Variants in THEMIS observed in about 807,000 individuals in gnomAD.
The protein encoded by THEMIS is protein THEMIS.
THEMIS carries 37 observed loss-of-function variants against 52.6 expected under a neutral mutation model. That is an observed-to-expected ratio of 0.70 (90% CI 0.54 to 0.93). THEMIS has a LOEUF of 0.93. Among genes scored for constraint, THEMIS ranks in the 40% least tolerant of loss-of-function variants. The pLI, the probability that THEMIS is intolerant of heterozygous loss-of-function variation, is 0.00. For synonymous variants in THEMIS, 292 were observed against 272.7 expected, an observed-to-expected ratio of 1.07 and a Z score of -0.70; for missense variants, 808 against 763.1, an observed-to-expected ratio of 1.06 and a Z score of -0.69.
intron 1 of THEMIS, among the ~76,000 whole-genome samples, chr6:127,859,470 C>T (rs529225927): frequency 1.3e-4 from 19 of 151,812 alleles, no homozygotes; most frequent in Middle Eastern, 3.4e-3. Context: ...TGTATACCTC[C>T]CCCACAGCTA....
At chr6:127,842,941 A>G (rs1562294096) in intron 2 of THEMIS, among the ~76,000 whole-genome samples, 1 of 151,978 alleles carries the variant, frequency 6.6e-6, no homozygotes, top group Non-Finnish European at 1.5e-5. Flanking sequence ...GATGTAATTC[A>G]TGGAAGGGTG....
intron 4 of THEMIS, among the ~76,000 whole-genome samples, chr6:127,774,621 T>C (rs1776497638): frequency 6.6e-6 from 1 of 152,190 alleles, no homozygotes; most frequent in Non-Finnish European, 1.5e-5. Flanking sequence ...TGGTAGAACT[T>C]AGCGACTAGG....
intron 4 of THEMIS, among the ~76,000 whole-genome samples, chr6:127,732,293 G>A (rs1774840576): frequency 6.6e-6 from 1 of 151,920 alleles, no homozygotes; most frequent in South Asian, 2.1e-4. Context: ...ATTTTGATGG[G>A]TATGGTTCAT....
intron 4 of THEMIS, among the ~76,000 whole-genome samples, chr6:127,747,465 C>A: frequency 6.8e-6 from 1 of 147,920 alleles, no homozygotes; most frequent in East Asian, 2.0e-4. Flanking sequence ...TTTATTATGC[C>A]TAGACAATGT....
At chr6:127,847,955 A>G (rs1779278123) in intron 2 of THEMIS, among the ~76,000 whole-genome samples, 1 of 150,644 alleles carries the variant, frequency 6.6e-6, no homozygotes, top group Non-Finnish European at 1.5e-5. Context: ...TTTAGGGTAC[A>G]TGTGCACAAT....
intron 4 of THEMIS, among the ~76,000 whole-genome samples, chr6:127,732,855 A>T (rs913949681): frequency 7.9e-5 from 12 of 152,232 alleles, no homozygotes; most frequent in African/African-American, 2.9e-4. Context: ...TTCGGTGCAC[A>T]TATGAATACG....
At chr6:127,717,201 CA>C (rs35976474) in intron 5 of THEMIS, among the ~76,000 whole-genome samples, 54,664 of 145,676 alleles carry the variant, frequency 0.38, 11,586 homozygotes, top group Non-Finnish European at 0.5. Context: ...ATATAATCTT[CA>C]AAAAAAAAAA....
At chr6:127,880,777 G>C (rs1780461385) in intron 1 of THEMIS, among the ~76,000 whole-genome samples, 1 of 152,032 alleles carries the variant, frequency 6.6e-6, no homozygotes, top group South Asian at 2.1e-4. Flanking sequence ...ATGTAGAGTA[G>C]CTGAAAATTG....
intron 1 of THEMIS, among the ~76,000 whole-genome samples, chr6:127,871,053 AC>A (rs1780142165): frequency 6.6e-6 from 1 of 152,150 alleles, no homozygotes; most frequent in South Asian, 2.1e-4. Context: ...GGTTTCAAGT[AC>A]CCACAATAAC....
chr6:127,877,085 A>G (rs1393250639), intron 1 of THEMIS, among the ~76,000 whole-genome samples: 4 of 152,180 alleles, frequency 2.6e-5, no homozygotes, highest in Non-Finnish European at 5.9e-5. Flanking sequence ...TTTAAAACCA[A>G]TGTGTTGCTA....
upstream of THEMIS, among the ~76,000 whole-genome samples, chr6:127,904,922 G>T (rs561375532): frequency 1.3e-5 from 2 of 151,850 alleles, no homozygotes; most frequent in Non-Finnish European, 2.9e-5. Flanking sequence ...AAATGGGAGC[G>T]TAGGAAATAT....
intron 2 of THEMIS, among the ~76,000 whole-genome samples, chr6:127,830,785 A>G (rs1035226568): frequency 6.6e-6 from 1 of 152,230 alleles, no homozygotes; most frequent in African/African-American, 2.4e-5. Flanking sequence ...ATGTACTTAA[A>G]GCCACTGAAC....
intron 4 of THEMIS, among the ~76,000 whole-genome samples, chr6:127,748,171 G>A (rs1400270523): frequency 6.6e-6 from 1 of 152,066 alleles, no homozygotes; most frequent in Non-Finnish European, 1.5e-5. Flanking sequence ...ATCCATTTGA[G>A]TTTATTCACT....
At chr6:127,716,740 CAT>C (rs150124210) in intron 5 of THEMIS, among the ~76,000 whole-genome samples, 3,409 of 152,004 alleles carry the variant, frequency 0.022, 133 homozygotes, top group African/African-American at 0.078. Flanking sequence ...CCACTTAACA[CAT>C]GTTATTACTA....
chr6:127,725,968 C>T (rs1312743814), intron 4 of THEMIS, among the ~76,000 whole-genome samples: 2 of 152,094 alleles, frequency 1.3e-5, no homozygotes, highest in Non-Finnish European at 2.9e-5. Flanking sequence ...AGGTGAGAGT[C>T]CTTGCTGGCA....
chr6:127,735,495 T>C (rs1044802031), intron 4 of THEMIS, among the ~76,000 whole-genome samples: 5 of 152,196 alleles, frequency 3.3e-5, no homozygotes, highest in African/African-American at 1.2e-4. Context: ...TTATTTAATA[T>C]TGATTGCATA....
At chr6:127,837,339 C>T (rs1778905438) in intron 2 of THEMIS, among the ~76,000 whole-genome samples, 2 of 151,834 alleles carry the variant, frequency 1.3e-5, no homozygotes. Flanking sequence ...AGAGGAGCCC[C>T]CCCAAAATTT....
At chr6:127,830,030 T>C (rs1331667262) in intron 2 of THEMIS, 96 bp from the exon 3 acceptor site, 6 of 832,334 alleles carry the variant, frequency 7.2e-6, no homozygotes, top group Non-Finnish European at 1.1e-5. Context: ...AAGTACTGCA[T>C]ACATTTTTAA....
chr6:127,849,197 T>G (rs1033096648), intron 2 of THEMIS, among the ~76,000 whole-genome samples: 15 of 151,978 alleles, frequency 9.9e-5, no homozygotes, highest in Admixed American at 3.3e-4. Context: ...TTTCCCCATT[T>G]CTTGTTTTTG....
Sources: gnomAD v4.1 joint callset for allele counts (sites outside exome capture counted in the v4.1 genomes callset) on GRCh38, gnomAD v4.1.1 for gene constraint, MANE v1.5 for transcripts, NCBI Gene and HGNC (gene_info 2026-07-23, HGNC 2026-07-21) for gene names.